Variants in MACROD2 observed in about 807,000 individuals in gnomAD.
MACROD2 encodes the protein ADP-ribose glycohydrolase MACROD2.
Under a neutral mutation model 70.4 loss-of-function variants are expected in MACROD2, and 36 were observed. The ratio of observed to expected loss-of-function variants is 0.51; its 90% CI spans 0.39 to 0.68. MACROD2 has a LOEUF of 0.68. Among genes scored for constraint, MACROD2 ranks in the 30% least tolerant of loss-of-function variants. MACROD2 has a pLI of 0.00. For missense variants in MACROD2, 496 were observed against 538.4 expected, an observed-to-expected ratio of 0.92 and a Z score of 0.78; for synonymous variants, 172 against 178.8, an observed-to-expected ratio of 0.96 and a Z score of 0.30.
At chr20:15,612,676 G>A (rs913956274) in intron 8 of MACROD2, among the ~76,000 whole-genome samples, 25 of 152,260 alleles carry the variant, frequency 1.6e-4, no homozygotes, top group African/African-American at 6.0e-4. Context: ...AATATTGTAA[G>A]AGAGAATGAA....
chr20:15,673,021 G>A (rs2050004081), intron 8 of MACROD2, among the ~76,000 whole-genome samples: 1 of 152,042 alleles, frequency 6.6e-6, no homozygotes, highest in South Asian at 2.1e-4. Context: ...TGATTGTGAG[G>A]CCTCCCCAGC....
At chr20:14,084,947 AC>A (rs1569151957) in intron 2 of MACROD2, among the ~76,000 whole-genome samples, 3 of 150,006 alleles carry the variant, frequency 2.0e-5, no homozygotes. Flanking sequence ...ACACTGTGAA[AC>A]CCTGTCTCTA....
At chr20:15,926,242 A>T (rs2065487431) in intron 10 of MACROD2, among the ~76,000 whole-genome samples, 1 of 152,208 alleles carries the variant, frequency 6.6e-6, no homozygotes, top group South Asian at 2.1e-4. Flanking sequence ...GTGGAACCTC[A>T]TGCTTCATAA....
chr20:15,741,897 T>C (rs932372601), intron 8 of MACROD2, among the ~76,000 whole-genome samples: 4 of 152,212 alleles, frequency 2.6e-5, no homozygotes, highest in Non-Finnish European at 5.9e-5. Context: ...AATGAATGAA[T>C]GAGTTAATAA....
intron 8 of MACROD2, among the ~76,000 whole-genome samples, chr20:15,553,331 T>G (rs535110087): frequency 6.6e-6 from 1 of 152,162 alleles, no homozygotes; most frequent in Non-Finnish European, 1.5e-5. Context: ...CTAGAGGAAG[T>G]CCCATTACTG....
chr20:15,463,676 G>A (rs1333895597), intron 7 of MACROD2, among the ~76,000 whole-genome samples: 1 of 152,120 alleles, frequency 6.6e-6, no homozygotes, highest in Non-Finnish European at 1.5e-5. Context: ...GTGAACCCGG[G>A]AGGCAGAGGT....
chr20:15,030,093 A>C (rs1281512618), intron 5 of MACROD2, among the ~76,000 whole-genome samples: 4 of 151,990 alleles, frequency 2.6e-5, no homozygotes, highest in African/African-American at 9.6e-5. Context: ...AAAAAAAAAA[A>C]AAAAAACCTG....
chr20:15,917,116 C>T (rs954992249), intron 10 of MACROD2, among the ~76,000 whole-genome samples: 1 of 152,152 alleles, frequency 6.6e-6, no homozygotes, highest in Non-Finnish European at 1.5e-5. Flanking sequence ...TTGTCGTGTC[C>T]TTGGAAATAT....
At chr20:16,017,021 A>G (rs2066938818) in intron 15 of MACROD2, among the ~76,000 whole-genome samples, 1 of 152,188 alleles carries the variant, frequency 6.6e-6, no homozygotes, top group Admixed American at 6.5e-5. Context: ...ATCACTTTGT[A>G]TTTGGTTCCC....
chr20:16,029,852 C>G (rs1453147437), intron 15 of MACROD2, among the ~76,000 whole-genome samples: 1 of 152,168 alleles, frequency 6.6e-6, no homozygotes, highest in African/African-American at 2.4e-5. Flanking sequence ...ATGACTAGAA[C>G]TAATTATCTC....
At chr20:15,263,116 A>G (rs1601319129) in intron 6 of MACROD2, among the ~76,000 whole-genome samples, 1 of 152,114 alleles carries the variant, frequency 6.6e-6, no homozygotes. Context: ...ATCTTTGCCC[A>G]GACCAATGTC....
At chr20:14,715,759 G>GGTTGATT (rs1217744265) in intron 5 of MACROD2, among the ~76,000 whole-genome samples, 3 of 152,114 alleles carry the variant, frequency 2.0e-5, no homozygotes, top group African/African-American at 7.2e-5. Flanking sequence ...TGGGCTAAAA[G>GGTTGATT]GTTGATTGTA....
chr20:14,803,277 G>C (rs6135264), intron 5 of MACROD2, among the ~76,000 whole-genome samples: 1 of 152,020 alleles, frequency 6.6e-6, no homozygotes, highest in Non-Finnish European at 1.5e-5. Flanking sequence ...CAGAATTGAA[G>C]GGAAATACAG....
At chr20:15,781,549 G>A (rs2051831974) in intron 8 of MACROD2, among the ~76,000 whole-genome samples, 1 of 152,180 alleles carries the variant, frequency 6.6e-6, no homozygotes, top group African/African-American at 2.4e-5. Context: ...TCTTCTTGCT[G>A]CATCTCTGGA....
intron 7 of MACROD2, among the ~76,000 whole-genome samples, chr20:15,483,444 T>C (rs973624634): frequency 4.6e-5 from 7 of 152,202 alleles, no homozygotes; most frequent in Admixed American, 4.6e-4. Flanking sequence ...CCACACTGTC[T>C]TGATTACTGA....
chr20:15,992,085 G>A (rs907677873), intron 15 of MACROD2, among the ~76,000 whole-genome samples: 7 of 152,118 alleles, frequency 4.6e-5, no homozygotes, highest in Non-Finnish European at 8.8e-5. Flanking sequence ...ACTGCACTTT[G>A]TCTTGCACTT....
chr20:14,414,306 C>T (rs2083780485), intron 3 of MACROD2, among the ~76,000 whole-genome samples: 2 of 152,168 alleles, frequency 1.3e-5, no homozygotes, highest in African/African-American at 4.8e-5. Context: ...TCCTGTCGTA[C>T]AAGCCCCAAA....
intron 3 of MACROD2, among the ~76,000 whole-genome samples, chr20:14,238,038 A>C (rs2081893457): frequency 6.6e-6 from 1 of 152,310 alleles, no homozygotes; most frequent in Non-Finnish European, 1.5e-5. Flanking sequence ...AGCATGATTT[A>C]TAATCCTTTG....
At chr20:14,925,579 CATACAGAAGGCTTAACTT>C (rs1168720388) in intron 5 of MACROD2, among the ~76,000 whole-genome samples, 6 of 152,134 alleles carry the variant, frequency 3.9e-5, no homozygotes, top group African/African-American at 1.4e-4. Context: ...TGGCAGAATA[CATACAGAAGGCTTAACTT>C]CTAAAGTTCT....
Sources: gnomAD v4.1 joint callset for allele counts (sites outside exome capture counted in the v4.1 genomes callset) on GRCh38, gnomAD v4.1.1 for gene constraint, MANE v1.5 for transcripts, NCBI Gene and HGNC (gene_info 2026-07-23, HGNC 2026-07-21) for gene names.